The following ARHGEF10 variants were observed in gnomAD, a reference collection of about 807,000 sequenced individuals.
ARHGEF10 encodes the protein Rho guanine nucleotide exchange factor (GEF) 10.
In ARHGEF10, 140 loss-of-function variants were observed where a neutral mutation model predicts 147.4. The ratio of observed to expected loss-of-function variants is 0.95; its 90% CI spans 0.83 to 1.09. The LOEUF (loss-of-function observed/expected upper bound fraction) is 1.09. ARHGEF10 is among the 50% of genes least tolerant of loss of function. The pLI is 0.00. For missense variants in ARHGEF10, 2,222 were observed against 1,752.7 expected, an observed-to-expected ratio of 1.27 and a Z score of -4.78; for synonymous variants, 902 against 695.8, an observed-to-expected ratio of 1.30 and a Z score of -4.67.
intron 25 of ARHGEF10, 95 bp downstream of exon 25, chr8:1,929,538 T>C: frequency 7.0e-7 from 1 of 1,430,698 alleles, no homozygotes; most frequent in Non-Finnish European, 9.3e-7. Context: ...ACCGGCCTCC[T>C]GCCTCCCGCC....
intron 6 of ARHGEF10, 147 bp downstream of exon 6, chr8:1,866,749 C>T (rs933552394): frequency 4.6e-6 from 4 of 874,782 alleles, no homozygotes; most frequent in Non-Finnish European, 5.5e-6. Flanking sequence ...CATGGGCTGA[C>T]TGTGCAGAAG....
At chr8:1,850,110 C>CCACA (rs1563174147) in intron 2 of ARHGEF10, among the ~76,000 whole-genome samples, 4 of 130,630 alleles carry the variant, frequency 3.1e-5, no homozygotes, top group Non-Finnish European at 5.0e-5. Context: ...CGTGGGCCGG[C>CCACA]TGCATGGACA....
intron 18 of ARHGEF10, among the ~76,000 whole-genome samples, chr8:1,909,925 C>T (rs1165500487): frequency 6.6e-6 from 1 of 152,156 alleles, no homozygotes; most frequent in Non-Finnish European, 1.5e-5. Context: ...ACTCAGTTTC[C>T]CCATGGAGGC....
At chr8:1,875,781 T>C (rs553390768) in intron 7 of ARHGEF10, among the ~76,000 whole-genome samples, 20 of 152,362 alleles carry the variant, frequency 1.3e-4, no homozygotes, top group Admixed American at 2.0e-4. Flanking sequence ...CTTTGAATGT[T>C]ACTTATGTGC....
chr8:1,950,205 A>G (rs9644316), intron 27 of ARHGEF10, among the ~76,000 whole-genome samples: 141,604 of 152,260 alleles, frequency 0.93, 65,894 homozygotes, highest in East Asian at 1. Flanking sequence ...GTGGGCTCCA[A>G]CTCCCGGGAC....
intron 17 of ARHGEF10, among the ~76,000 whole-genome samples, chr8:1,906,890 A>G (rs1810937824): frequency 6.6e-6 from 1 of 152,236 alleles, no homozygotes; most frequent in Non-Finnish European, 1.5e-5. Flanking sequence ...TGGCAGCTAC[A>G]AAATAAGTCC....
intron 16 of ARHGEF10, chr8:1,903,752 C>T (rs2129175062): frequency 2.2e-6 from 1 of 450,722 alleles, no homozygotes; most frequent in South Asian, 2.3e-5. Context: ...GCTTACTTTT[C>T]CTTTCAAAAT....
chr8:1,950,427 C>T (rs997582197), intron 27 of ARHGEF10, among the ~76,000 whole-genome samples: 1 of 152,250 alleles, frequency 6.6e-6, no homozygotes, highest in African/African-American at 2.4e-5. Flanking sequence ...GAAAACCACT[C>T]TCTGGAACTT....
intron 18 of ARHGEF10, among the ~76,000 whole-genome samples, chr8:1,910,876 A>G (rs762237767): frequency 4.6e-5 from 7 of 152,208 alleles, no homozygotes; most frequent in Non-Finnish European, 8.8e-5. Context: ...GGTGACTTTG[A>G]TCCATAAAAT....
At chr8:1,899,154 G>A (rs558979615) in intron 15 of ARHGEF10, among the ~76,000 whole-genome samples, 10 of 152,288 alleles carry the variant, frequency 6.6e-5, no homozygotes, top group African/African-American at 1.9e-4. Flanking sequence ...GTCTCACAGC[G>A]GACGGCCTCT....
chr8:1,860,943 C>T (rs562121043), intron 4 of ARHGEF10, among the ~76,000 whole-genome samples: 25 of 152,158 alleles, frequency 1.6e-4, no homozygotes, highest in Non-Finnish European at 1.8e-4. Flanking sequence ...TGCTTTTCCT[C>T]GCCGGGAAGA....
intron 18 of ARHGEF10, among the ~76,000 whole-genome samples, chr8:1,917,764 T>TTTTTC (rs557115904): frequency 9.9e-5 from 15 of 152,074 alleles, no homozygotes; most frequent in Non-Finnish European, 1.9e-4. Context: ...TGTTTCTTTC[T>TTTTTC]TTTTCTTTTC....
Position 1,832,842 on chromosome 8 carries a change from A to G in ARHGEF10, c.-48+8729A>G, listed in dbSNP as rs1803269995. On this transcript the variant is annotated intron_variant, in intron 1 of 28. Transcript: ENST00000349830. ...CAGAGAGAGAGGCAGAGGCAGAGAC[A>G]GAGGCAGAGAGAGACAGAGGCAGAG... 1.4e-5 allele frequency among the ~76,000 whole-genome samples: 2 copies of G among 143,348 alleles called. 1 individual carries two copies. The highest frequency in any genetic ancestry group is 5.4e-5 in the African/African-American group (2 of 37,252). 94.0% of individuals were successfully genotyped at this position (143,348 alleles called of 152,430 possible). A position where few individuals can be genotyped will look rare whatever the true frequency, so the allele number is the denominator to read the frequency against.
At chr8:1,892,277 C>CTGTGTGTGTG (rs66526026) in intron 11 of ARHGEF10, among the ~76,000 whole-genome samples, 2,289 of 126,588 alleles carry the variant, frequency 0.018, 64 homozygotes, top group African/African-American at 0.052. Context: ...GCTTCTGGCT[C>CTGTGTGTGTG]TGTGTGTGTG....
At chr8:1,947,563 G>A (rs758929354) in intron 27 of ARHGEF10, among the ~76,000 whole-genome samples, 1 of 152,050 alleles carries the variant, frequency 6.6e-6, no homozygotes, top group Admixed American at 6.5e-5. Flanking sequence ...TCACGCCCAG[G>A]CTATGAAAAG....
chr8:1,896,478 T>C, intron 14 of ARHGEF10, 29 bp downstream of exon 14: 1 of 1,461,502 alleles, frequency 6.8e-7, no homozygotes, highest in Non-Finnish European at 9.6e-7. Flanking sequence ...CATTTGGGTT[T>C]TAACACCATC....
At chr8:1,861,734 A>T (rs998092695) in intron 4 of ARHGEF10, among the ~76,000 whole-genome samples, 1 of 152,208 alleles carries the variant, frequency 6.6e-6, no homozygotes, top group Non-Finnish European at 1.5e-5. Flanking sequence ...GAAGTCGGCC[A>T]GAGTCCTCGG....
intron 16 of ARHGEF10, chr8:1,903,886 G>A (rs566269115): frequency 1.9e-4 from 47 of 247,854 alleles, no homozygotes; most frequent in Non-Finnish European, 3.5e-4. Flanking sequence ...TGGAACCCAG[G>A]AGTTCAAGAC....
intron 18 of ARHGEF10, among the ~76,000 whole-genome samples, chr8:1,920,870 C>T (rs923275381): frequency 1.6e-4 from 24 of 152,246 alleles, no homozygotes; most frequent in African/African-American, 4.3e-4. Flanking sequence ...CCATGACCTC[C>T]TCCGCCTTCC....
Sources: allele counts gnomAD v4.1 joint callset (sites outside exome capture counted in the v4.1 genomes callset), GRCh38; gene constraint gnomAD v4.1.1; transcripts MANE v1.5; gene names NCBI Gene and HGNC (gene_info 2026-07-23, HGNC 2026-07-21).